Variants in NFKBIZ observed in about 807,000 individuals in gnomAD.
NFKBIZ encodes NFKB inhibitor zeta.
A neutral mutation model predicts 76.8 loss-of-function variants in NFKBIZ; 19 were observed. That is an observed-to-expected ratio of 0.25 (90% CI 0.17 to 0.36). NFKBIZ has a LOEUF of 0.36. Among genes scored for constraint, NFKBIZ ranks in the 10% least tolerant of loss-of-function variants. The pLI is 1.00. For missense variants in NFKBIZ, 829 were observed against 910.9 expected (o/e 0.91, Z 1.16); for synonymous variants, 368 against 354.8 (o/e 1.04, Z -0.42).
chr3:101,841,480 C>T (rs926139993), intron 2 of NFKBIZ, among the ~76,000 whole-genome samples: 8 of 152,096 alleles, frequency 5.3e-5, no homozygotes, highest in Non-Finnish European at 7.4e-5. Flanking sequence ...TCTGAGGTAC[C>T]GCTGTGCCCC....
At chr3:101,833,494 T>C (rs1018299702) in intron 2 of NFKBIZ, among the ~76,000 whole-genome samples, 3 of 152,224 alleles carry the variant, frequency 2.0e-5, no homozygotes, top group African/African-American at 7.2e-5. Context: ...AAAGTTGTTC[T>C]GAAGGCCATA....
chr3:101,832,376 T>C (rs1409112337), intron 2 of NFKBIZ, among the ~76,000 whole-genome samples: 1 of 152,214 alleles, frequency 6.6e-6, no homozygotes, highest in Non-Finnish European at 1.5e-5. Flanking sequence ...TAAGTACTTT[T>C]CATATTACAA....
At position 101,855,930 on chromosome 3, in the gene NFKBIZ, G is replaced by A; in HGVS notation, c.1824+28G>A. 11 of 1,569,316 alleles carry A rather than the reference G, an allele frequency of 7.0e-6. No homozygotes were observed. In the South Asian group the frequency reaches 7.0e-5, roughly 10 times the overall value. ...AAATTCACAGAAAAGGTTTAAGATGGGGTAGGGGAGAAACTGGTTATATAG... is the reference window on the plus strand; with the variant it reads ...AAATTCACAGAAAAGGTTTAAGATGAGGTAGGGGAGAAACTGGTTATATAG... On this transcript the variant is annotated intron_variant, in intron 9 of 11. Coordinates refer to ENST00000326172, the MANE Select transcript of NFKBIZ (RefSeq NM_031419.4).
At position 101,860,246 on chromosome 3, in the gene NFKBIZ, A is replaced by G. The variant is rs890418608; in HGVS notation, c.*875A>G. 7 of 149,046 alleles carry G rather than the reference A, an allele frequency of 4.7e-5. No individual in the cohort carries two copies. The highest frequency in any genetic ancestry group is 1.7e-4 in the African/African-American group (7 of 40,194). The allele number at this position is 149,046 out of a possible 1,614,324, so 9.2% of individuals were successfully genotyped here. On this transcript the variant is annotated 3_prime_UTR_variant, in exon 12 of 12. Transcript: ENST00000326172. ...GCCCAGGCTGGAGTACAGTGGCATGATCTTGGCTCACTTCAGCCTTGACTT... is the reference window on the plus strand; with the variant it reads ...GCCCAGGCTGGAGTACAGTGGCATGGTCTTGGCTCACTTCAGCCTTGACTT...
intron 2 of NFKBIZ, among the ~76,000 whole-genome samples, chr3:101,830,385 G>A (rs1942632271): frequency 6.6e-6 from 1 of 152,082 alleles, no homozygotes; most frequent in Admixed American, 6.6e-5. Flanking sequence ...TTTGTTACCT[G>A]GGTGTATTGC....
intron 1 of NFKBIZ, among the ~76,000 whole-genome samples, 190 bp downstream of exon 1, chr3:101,850,107 C>T (rs1417241895): frequency 2.0e-5 from 3 of 152,212 alleles, no homozygotes; most frequent in African/African-American, 7.2e-5. Context: ...CCTTCGCCGG[C>T]CCGCGGAACC....
At chr3:101,831,295 A>T (rs1942644058) in intron 2 of NFKBIZ, among the ~76,000 whole-genome samples, 1 of 152,256 alleles carries the variant, frequency 6.6e-6, no homozygotes, top group South Asian at 2.1e-4. Context: ...CATAATAGAT[A>T]TACAGTATAT....
chr3:101,852,564 TGAG>T (rs1202820236), intron 2 of NFKBIZ, among the ~76,000 whole-genome samples, 171 bp from the exon 3 acceptor site: 1 of 152,158 alleles, frequency 6.6e-6, no homozygotes, highest in Non-Finnish European at 1.5e-5. Context: ...AAAGTGAAAA[TGAG>T]GAAGTCGCAA....
Position 101,857,468 on chromosome 3 carries a change from C to T in NFKBIZ, c.2103+9C>T, listed in dbSNP as rs939916175. ...GCCCTGTGGGAGAACAGGTGAGAGG[C>T]ACAGGAGGGAGAGGAAGTATTTTTT... On this transcript the variant is annotated intron_variant, in intron 11 of 11. Coordinates refer to ENST00000326172, the MANE Select transcript of NFKBIZ (RefSeq NM_031419.4). 4.3e-6 allele frequency: 7 copies of T among 1,613,696 alleles called. No individual in the cohort carries two copies. The highest frequency in any genetic ancestry group is 1.1e-5 in the South Asian group (1 of 91,068).
intron 8 of NFKBIZ, 69 bp downstream of exon 8, chr3:101,855,527 T>TA: frequency 7.0e-7 from 1 of 1,434,396 alleles, no homozygotes. Flanking sequence ...GGGTGCTAAG[T>TA]ATACTAAGAA....
chr3:101,859,480 T>TA lies in NFKBIZ; in HGVS notation c.*109_*110insA. On this transcript the variant is annotated 3_prime_UTR_variant, in exon 12 of 12. Coordinates refer to ENST00000326172, the MANE Select transcript of NFKBIZ (RefSeq NM_031419.4). ...TATTGGCAAATGTAAGTTGTTTCTA[T>TA]GAAACAAACATATTTAGTTCACTAT... 1.2e-6 allele frequency: 1 copy of TA among 807,262 alleles called. No homozygotes were observed. Among genetic ancestry groups the TA allele is most frequent in the Non-Finnish European group, 2.1e-6 (1 of 476,912 alleles). The allele number at this position is 807,262 out of a possible 1,614,324, so 50.0% of individuals were successfully genotyped here.
At position 101,829,416 on chromosome 3, in the gene NFKBIZ, CTGT is replaced by C. The variant is rs556102084; in HGVS notation, c.-87-196_-87-194del. Among the ~76,000 whole-genome samples, 40 of 152,280 alleles carry C rather than the reference CTGT, an allele frequency of 2.6e-4. No homozygotes were observed. The South Asian group carries it at 3.5e-3, about 13-fold the overall frequency. On this transcript the variant is annotated intron_variant, in intron 1 of 12. Coordinates refer to the NFKBIZ transcript ENST00000394054. ...GAGGCAAACCCTTCTCTTTCTTGTC[CTGT>C]AACAGACAAGACAAGAAAGCTCTCA... is the stretch of plus-strand genomic sequence containing the variant.
In NFKBIZ at chr3:101,849,628, C is replaced by T. The variant is rs1942914791; in HGVS notation, c.-1C>T. On this transcript the variant is annotated 5_prime_UTR_variant, in exon 1 of 12. Transcript: ENST00000326172. Reference sequence around the variant, plus strand: ...GGTCCTCGAGCGCCCAGCCTGGGAGCATGATTGTGGACAAGCTGCTGGACG... The same window carrying T: ...GGTCCTCGAGCGCCCAGCCTGGGAGTATGATTGTGGACAAGCTGCTGGACG... The T allele has an allele frequency of 1.1e-5, 15 of 1,366,686 alleles. No individual in the cohort carries two copies. The highest frequency in any genetic ancestry group is 1.4e-5 in the Non-Finnish European group (15 of 1,067,156). The allele number at this position is 1,366,686 out of a possible 1,614,324, so 84.7% of individuals were successfully genotyped here.
In NFKBIZ at chr3:101,859,411, A is replaced by T. The variant is rs1358800707; in HGVS notation, c.*40A>T. 1.3e-6 allele frequency: 2 copies of T among 1,545,640 alleles called. No individual in the cohort carries two copies. Among genetic ancestry groups the T allele is most frequent in the Admixed American group, 3.3e-5 (2 of 59,876 alleles). ...AGCCTGGCTAGCAACACTCACTGTC[A>T]GTTAGGCAGTCCTGATGTATCTGTA... is the stretch of plus-strand genomic sequence containing the variant. On this transcript the variant is annotated 3_prime_UTR_variant, in exon 12 of 12. Transcript: ENST00000326172.
At chr3:101,852,020 G>C in intron 1 of NFKBIZ, 65 bp from the exon 2 acceptor site, 1 of 1,569,356 alleles carries the variant, frequency 6.4e-7, no homozygotes, top group Non-Finnish European at 8.6e-7. Context: ...ATACTTTTGG[G>C]ATTATTAACG....
At chr3:101,858,956 A>G (rs1212894650) in intron 11 of NFKBIZ, among the ~76,000 whole-genome samples, 1 of 152,218 alleles carries the variant, frequency 6.6e-6, no homozygotes, top group African/African-American at 2.4e-5. Context: ...GTGAGATATT[A>G]TAATATGCCT....
In NFKBIZ at chr3:101,853,445, A is replaced by T; in HGVS notation, c.919A>T (p.Thr307Ser). ...GCAGCCACACTACACCCACAAACCA[A>T]CTCTGGAATACAGTCCTTTTCCCAT... ...EQQPHYTHKP[T>S]LEYSPFPIPP... Residue 307 changes from threonine (T) to serine (S), a missense_variant, in exon 5 of 12, where the codon ACT (threonine) becomes TCT (serine). Thr to Ser is a moderately conservative substitution (Grantham distance 58). This residue lies in a region of NFKBIZ where 371 missense variants were observed against 332.3 expected (regional missense o/e 1.12). Coordinates refer to ENST00000326172, the MANE Select transcript of NFKBIZ (RefSeq NM_031419.4). 6.2e-7 allele frequency: 1 copy of T among 1,613,738 alleles called. No individual in the cohort carries two copies. Among genetic ancestry groups the T allele is most frequent in the South Asian group, 1.1e-5 (1 of 91,060 alleles).
rs1943035458 is a variant in NFKBIZ at position 101,855,478 on chromosome 3, T to C, written c.1654+20T>C. On this transcript the variant is annotated intron_variant, in intron 8 of 11. Transcript: ENST00000326172. The stretch of plus-strand genomic sequence containing the variant: ...ATGATGGTAAGCAACTGAAACTTTA[T>C]TAGATTCAGAGCCACTTAGGGGGAA... The C allele has an allele frequency of 1.9e-6, 3 of 1,606,124 alleles. No homozygotes were observed. The highest frequency in any genetic ancestry group is 2.6e-6 in the Non-Finnish European group (3 of 1,172,810).
rs1942921296 is a variant in NFKBIZ, at chr3:101,849,815, C to T, written c.187C>T (p.Pro63Ser). Reference protein sequence around the residue: ...SVLGPSAPGSPGSDSSDFSSA... With the variant: ...SVLGPSAPGSSGSDSSDFSSA... ...CTTGGGCCCCTCGGCGCCCGGCTCG[C>T]CCGGCTCCGACTCCTCCGACTTCTC... Residue 63 changes from proline to serine, a missense_variant, in exon 1 of 12, where the codon CCC becomes TCC. Pro to Ser is a moderately conservative substitution (Grantham distance 74). Transcript: ENST00000326172. The T allele has an allele frequency of 6.8e-7, 1 of 1,471,708 alleles. No homozygotes were observed. The highest frequency in any genetic ancestry group is 8.9e-7 in the Non-Finnish European group (1 of 1,119,018). 91.2% of individuals were successfully genotyped at this position (1,471,708 alleles called of 1,614,324 possible). A position where few individuals can be genotyped will look rare whatever the true frequency, so the allele number is the denominator to read the frequency against.
Sources: gnomAD v4.1 joint callset for allele counts (sites outside exome capture counted in the v4.1 genomes callset) on GRCh38, gnomAD v4.1.1 for gene constraint, gnomAD v4.1.1 regional missense constraint, MANE v1.5 for transcripts, NCBI Gene and HGNC (gene_info 2026-07-23, HGNC 2026-07-21) for gene names.